The following SLCO3A1 variants were observed in gnomAD, a reference collection of about 807,000 sequenced individuals.
SLCO3A1 encodes solute carrier organic anion transporter family member 3A1, also known as PGE1 transporter.
In SLCO3A1, 27 loss-of-function variants were observed where a neutral mutation model predicts 63.1. The ratio of observed to expected loss-of-function variants is 0.43; its 90% CI spans 0.32 to 0.59. The LOEUF (loss-of-function observed/expected upper bound fraction) is 0.59, where lower values mean the gene tolerates loss of function less well. Among genes scored for constraint, SLCO3A1 ranks in the 20% least tolerant of loss-of-function variants. The probability of loss-of-function intolerance (pLI) is 0.09; values close to 1 mark genes in which losing one functional copy is unlikely to be tolerated. For synonymous variants in SLCO3A1, 473 were observed against 409.9 expected (o/e 1.15, Z -1.86); for missense variants, 773 against 945.8 (o/e 0.82, Z 2.40).
intron 2 of SLCO3A1, among the ~76,000 whole-genome samples, chr15:91,960,512 G>T (rs1383447975): frequency 6.6e-6 from 1 of 152,166 alleles, no homozygotes; most frequent in Non-Finnish European, 1.5e-5. Flanking sequence ...GTTCCGGGAT[G>T]CCTTCTCTCT....
At chr15:91,878,318 GAC>G (rs1387651767) in intron 1 of SLCO3A1, among the ~76,000 whole-genome samples, 1 of 151,972 alleles carries the variant, frequency 6.6e-6, no homozygotes, top group Non-Finnish European at 1.5e-5. Context: ...GACCTCAGGT[GAC>G]CCGCCCACCT....
intron 2 of SLCO3A1, among the ~76,000 whole-genome samples, chr15:91,940,792 G>A (rs1167824104): frequency 6.6e-6 from 1 of 152,176 alleles, no homozygotes; most frequent in Non-Finnish European, 1.5e-5. Flanking sequence ...GGGGAGATGT[G>A]AGTGAGTGAG....
At chr15:92,130,776 C>G (rs1381523111) in intron 7 of SLCO3A1, among the ~76,000 whole-genome samples, 1 of 150,606 alleles carries the variant, frequency 6.6e-6, no homozygotes, top group Non-Finnish European at 1.5e-5. Flanking sequence ...TCCTTTAAAT[C>G]TCTGCTGCAG....
chr15:91,960,512 G>A (rs1383447975), intron 2 of SLCO3A1, among the ~76,000 whole-genome samples: 1 of 152,166 alleles, frequency 6.6e-6, no homozygotes, highest in East Asian at 1.9e-4. Flanking sequence ...GTTCCGGGAT[G>A]CCTTCTCTCT....
intron 2 of SLCO3A1, among the ~76,000 whole-genome samples, chr15:92,045,916 A>C (rs1211565229): frequency 6.6e-6 from 1 of 152,208 alleles, no homozygotes; most frequent in Non-Finnish European, 1.5e-5. Flanking sequence ...TTGATCCCAA[A>C]TCTAACTGGC....
At chr15:92,168,175 G>A (rs1213373780), downstream of SLCO3A1, among the ~76,000 whole-genome samples, 3 of 152,212 alleles carry the variant, frequency 2.0e-5, no homozygotes, top group African/African-American at 7.2e-5. Context: ...GGGATAAGGA[G>A]AGCCAATTCA....
intron 1 of SLCO3A1, among the ~76,000 whole-genome samples, chr15:91,904,899 A>G (rs1898256399): frequency 6.6e-6 from 1 of 152,174 alleles, no homozygotes; most frequent in African/African-American, 2.4e-5. Flanking sequence ...TGATAGTTAC[A>G]ATTTAACCCT....
At chr15:91,937,130 C>T (rs765019081) in intron 2 of SLCO3A1, among the ~76,000 whole-genome samples, 24 of 152,156 alleles carry the variant, frequency 1.6e-4, no homozygotes, top group South Asian at 2.1e-4. Context: ...GCTAAATAAC[C>T]GGCTGTCTTC....
At chr15:91,893,138 T>G (rs56401819) in intron 1 of SLCO3A1, among the ~76,000 whole-genome samples, 3,165 of 152,350 alleles carry the variant, frequency 0.021, 110 homozygotes, top group African/African-American at 0.072. Context: ...AGGCACTAAC[T>G]AGCCACATGT....
intron 2 of SLCO3A1, among the ~76,000 whole-genome samples, chr15:92,036,501 C>T (rs1229880303): frequency 1.3e-5 from 2 of 152,092 alleles, no homozygotes; most frequent in African/African-American, 2.4e-5. Context: ...TTCTCCCCAC[C>T]CTGGGCAGCG....
intron 2 of SLCO3A1, among the ~76,000 whole-genome samples, chr15:92,046,224 G>C (rs1478744735): frequency 7.9e-5 from 12 of 152,090 alleles, no homozygotes; most frequent in Admixed American, 7.9e-4. Flanking sequence ...TCTTCAAAAA[G>C]TTATTGTCGG....
At chr15:92,069,513 A>G (rs1433138880) in intron 2 of SLCO3A1, among the ~76,000 whole-genome samples, 1 of 152,222 alleles carries the variant, frequency 6.6e-6, no homozygotes, top group Non-Finnish European at 1.5e-5. Context: ...CTTTGCATTC[A>G]CTACGCAAGG....
chr15:91,902,983 T>C (rs1288186901), intron 1 of SLCO3A1, among the ~76,000 whole-genome samples: 1 of 152,244 alleles, frequency 6.6e-6, no homozygotes, highest in African/African-American at 2.4e-5. Context: ...TTCATCTACA[T>C]AGTGATAGCA....
At chr15:92,156,868 T>C (rs888286047) in intron 9 of SLCO3A1, among the ~76,000 whole-genome samples, 1 of 152,230 alleles carries the variant, frequency 6.6e-6, no homozygotes, top group Non-Finnish European at 1.5e-5. Flanking sequence ...TTTGAACTTA[T>C]TTTTCTTACA....
At chr15:91,926,557 CCG>C (rs1491490503) in intron 2 of SLCO3A1, among the ~76,000 whole-genome samples, 10 of 54,346 alleles carry the variant, frequency 1.8e-4, no homozygotes, top group African/African-American at 9.2e-4. Context: ...TCCTGCCAAG[CCG>C]TGTGTGTGTG....
intron 1 of SLCO3A1, among the ~76,000 whole-genome samples, chr15:91,876,776 C>T (rs1286966898): frequency 3.4e-4 from 52 of 152,220 alleles, no homozygotes; most frequent in Non-Finnish European, 2.9e-5. Context: ...CAGCACCTCA[C>T]AGGTGACCCA....
intron 1 of SLCO3A1, among the ~76,000 whole-genome samples, chr15:91,909,462 A>G (rs1261986188): frequency 2.0e-5 from 3 of 152,212 alleles, no homozygotes; most frequent in Non-Finnish European, 2.9e-5. Context: ...GACCCTGTTC[A>G]GGAACCCCTG....
At chr15:92,012,238 G>A (rs2046377112) in intron 2 of SLCO3A1, among the ~76,000 whole-genome samples, 1 of 152,182 alleles carries the variant, frequency 6.6e-6, no homozygotes, top group East Asian at 1.9e-4. Context: ...TCAGTTACAA[G>A]CCTTTGAGAT....
At chr15:91,887,684 T>C (rs1283641238) in intron 1 of SLCO3A1, among the ~76,000 whole-genome samples, 1 of 152,208 alleles carries the variant, frequency 6.6e-6, no homozygotes, top group Admixed American at 6.5e-5. Flanking sequence ...TCTCTCCCTG[T>C]CTTTTATGTG....
Sources: gnomAD v4.1 joint callset for allele counts (sites outside exome capture counted in the v4.1 genomes callset) on GRCh38, gnomAD v4.1.1 for gene constraint, MANE v1.5 for transcripts, NCBI Gene and HGNC (gene_info 2026-07-23, HGNC 2026-07-21) for gene names.